DPY30: variants seen among roughly 807,000 people sequenced by gnomAD.
The protein encoded by DPY30 is dpy-30 histone methyltransferase complex regulatory subunit, also known as protein dpy-30 homolog.
In DPY30, 6 loss-of-function variants were observed where a neutral mutation model predicts 16.2. The observed-to-expected ratio is 0.37, with a 90% CI of 0.20 to 0.73. The LOEUF is 0.73. Among genes scored for constraint, DPY30 ranks in the 30% least tolerant of loss-of-function variants. The probability of loss-of-function intolerance (pLI) is 0.51; values close to 1 mark genes in which losing one functional copy is unlikely to be tolerated. For missense variants in DPY30, 73 were observed against 113.1 expected (o/e 0.65, Z 1.61); for synonymous variants, 39 against 38.8 (o/e 1.00, Z -0.02).
chr2:32,033,037 G>A (rs778229607), intron 3 of DPY30, among the ~76,000 whole-genome samples: 13 of 151,002 alleles, frequency 8.6e-5, no homozygotes, highest in African/African-American at 2.4e-4. Context: ...TTGGCAGGGC[G>A]CGGTGGCTCA....
downstream of DPY30, among the ~76,000 whole-genome samples, chr2:32,023,079 G>C (rs1017497497): frequency 2.6e-5 from 4 of 151,456 alleles, no homozygotes; most frequent in Non-Finnish European, 5.9e-5. Flanking sequence ...GCACTTTGGG[G>C]GGCCAAGGCA....
chr2:32,038,863 G>A (rs1573011070), intron 3 of DPY30, among the ~76,000 whole-genome samples: 1 of 152,050 alleles, frequency 6.6e-6, no homozygotes. Flanking sequence ...GGTCAGGCTG[G>A]TCTGGAACTC....
intron 4 of DPY30, among the ~76,000 whole-genome samples, chr2:32,027,961 G>A (rs1354031946): frequency 6.6e-6 from 1 of 152,026 alleles, no homozygotes; most frequent in African/African-American, 2.4e-5. Context: ...TGATAGTAGA[G>A]CCAAGATATA....
At chr2:32,034,979 G>A (rs1297642704) in intron 3 of DPY30, among the ~76,000 whole-genome samples, 1 of 150,984 alleles carries the variant, frequency 6.6e-6, no homozygotes, top group Non-Finnish European at 1.5e-5. Flanking sequence ...TGGGCGACAA[G>A]AGCAAAACTC....
In DPY30 at chr2:32,013,334, A is replaced by C. The variant is rs183140168; in HGVS notation, n.378-1282T>G. ...TCTACTGAAATTTTCTTGCTGGTCA[A>C]ACTGAATAAAGATCACAATGCAATT... On this transcript the variant is annotated intron_variant and non_coding_transcript_variant, in intron 5 of 5. Coordinates refer to the DPY30 transcript ENST00000414013. The C allele has an allele frequency of 1.1e-3, 163 of 152,338 alleles. 1 individual carries two copies. Among genetic ancestry groups the C allele is most frequent in the African/African-American group, 3.9e-3 (161 of 41,582 alleles). 9.4% of individuals were successfully genotyped at this position (152,338 alleles called of 1,614,324 possible). A position where few individuals can be genotyped will look rare whatever the true frequency, so the allele number is the denominator to read the frequency against.
At chr2:32,039,144 C>A in intron 3 of DPY30, 135 bp downstream of exon 3, 1 of 1,015,038 alleles carries the variant, frequency 9.9e-7, no homozygotes, top group Non-Finnish European at 1.5e-6. Flanking sequence ...AAACAAGCTA[C>A]CCATAACTTG....
At position 32,029,657 on chromosome 2, in the gene DPY30, G is replaced by A; in HGVS notation, c.164C>T (p.Ala55Val). The stretch of plus-strand genomic sequence containing the variant: ...AGGCACAACTGTCTGATCCAGGTAG[G>A]CACGAGTTGGCAAAGACTGGAGATC... Reference protein sequence around the residue: ...KVDLQSLPTRAYLDQTVVPIL... With the variant: ...KVDLQSLPTRVYLDQTVVPIL... The change falls in exon 4 of 5, where the codon GCC becomes GTC. Residue 55 changes from alanine (A) to valine (V), a missense_variant. This residue lies in a region of DPY30 where 52 missense variants were observed against 71.5 expected (regional missense o/e 0.73). Transcript: ENST00000342166. 1.2e-6 allele frequency: 2 copies of A among 1,613,828 alleles called. No individual in the cohort carries two copies. Among genetic ancestry groups the A allele is most frequent in the Non-Finnish European group, 1.7e-6 (2 of 1,179,960 alleles).
intron 3 of DPY30, among the ~76,000 whole-genome samples, chr2:32,038,647 C>CTTTTTT (rs10679637): frequency 9.0e-6 from 1 of 111,252 alleles, no homozygotes; most frequent in Non-Finnish European, 1.7e-5. Flanking sequence ...TTATTTTTTA[C>CTTTTTT]TTTTTTTTTT....
chr2:32,012,180 C>T (rs1288090777), intron 5 of DPY30: 1 of 152,092 alleles, frequency 6.6e-6, no homozygotes, highest in East Asian at 1.9e-4. Flanking sequence ...TATTCTGTTT[C>T]CTCTCCTCCT....
downstream of DPY30, among the ~76,000 whole-genome samples, chr2:32,021,306 C>T (rs769727340): frequency 7.2e-5 from 11 of 151,796 alleles, no homozygotes; most frequent in Non-Finnish European, 1.6e-4. Context: ...ACCACTAGGT[C>T]GAGTATTGAA....
chr2:32,019,129 T>C (rs1042514483), downstream of DPY30, among the ~76,000 whole-genome samples: 1 of 152,200 alleles, frequency 6.6e-6, no homozygotes, highest in African/African-American at 2.4e-5. Flanking sequence ...AGTCTCGCTC[T>C]ATCACCCAGG....
intron 3 of DPY30, among the ~76,000 whole-genome samples, chr2:32,034,420 G>T (rs115488245): frequency 6.7e-4 from 102 of 152,264 alleles, no homozygotes; most frequent in African/African-American, 2.4e-3. Context: ...GAGGGAGCAA[G>T]AGAGAAAGGA....
intron 3 of DPY30, among the ~76,000 whole-genome samples, chr2:32,035,271 A>G (rs941588418): frequency 2.6e-5 from 4 of 152,044 alleles, no homozygotes; most frequent in African/African-American, 9.7e-5. Context: ...TGAAAGAGCA[A>G]GACTCGGTCT....
At chr2:32,017,662 T>A (rs529241662) in intron 5 of DPY30, among the ~76,000 whole-genome samples, 1 of 152,190 alleles carries the variant, frequency 6.6e-6, no homozygotes, top group Admixed American at 6.5e-5. Context: ...ATGGCACTCT[T>A]TCTATATTTG....
intron 1 of DPY30, 119 bp from the exon 2 acceptor site, chr2:32,039,611 C>G: frequency 1.1e-6 from 1 of 908,560 alleles, no homozygotes; most frequent in Non-Finnish European, 1.7e-6. Flanking sequence ...GGGAGCACCA[C>G]GAGCAGTAGA....
At chr2:32,013,364 T>G (rs894931547) in intron 5 of DPY30, 3 of 152,220 alleles carry the variant, frequency 2.0e-5, no homozygotes, top group Admixed American at 2.0e-4. Context: ...GCAATTGAAC[T>G]GAAAGGTTAG....
At chr2:32,032,699 T>C (rs930838386) in intron 3 of DPY30, among the ~76,000 whole-genome samples, 9 of 152,108 alleles carry the variant, frequency 5.9e-5, no homozygotes, top group African/African-American at 2.2e-4. Flanking sequence ...GTTACCATTT[T>C]TAAAAGAATA....
intron 5 of DPY30, among the ~76,000 whole-genome samples, chr2:32,017,330 C>T (rs1403748294): frequency 1.3e-5 from 2 of 152,086 alleles, no homozygotes. Context: ...CTTTAAGAAA[C>T]TCTCAGCTGG....
At chr2:32,012,308 C>T (rs957869578) in intron 5 of DPY30, among the ~76,000 whole-genome samples, 1 of 151,424 alleles carries the variant, frequency 6.6e-6, no homozygotes, top group Admixed American at 6.6e-5. Context: ...CTAAAATCTC[C>T]ACTGTATATT....
Sources: allele counts gnomAD v4.1 joint callset (sites outside exome capture counted in the v4.1 genomes callset), GRCh38; gene constraint gnomAD v4.1.1; regional missense constraint gnomAD v4.1.1; transcripts MANE v1.5; gene names NCBI Gene and HGNC (gene_info 2026-07-23, HGNC 2026-07-21).